Variants in C2CD5 observed in about 807,000 individuals in gnomAD.
C2CD5 encodes C2 calcium dependent domain containing 5, also known as C2 domain-containing protein 5.
A neutral mutation model predicts 130.3 loss-of-function variants in C2CD5; 109 were observed. The ratio of observed to expected loss-of-function variants is 0.84; its 90% CI spans 0.72 to 0.98. The LOEUF (loss-of-function observed/expected upper bound fraction) is 0.98. Among genes scored for constraint, C2CD5 ranks in the 50% least tolerant of loss-of-function variants. The pLI, the probability that C2CD5 is intolerant of heterozygous loss-of-function variation, is 0.00. For missense variants in C2CD5, 996 were observed against 1,261.8 expected (o/e 0.79, Z 3.19); for synonymous variants, 454 against 429.2 (o/e 1.06, Z -0.71).
chr12:22,473,086 T>C (rs1203627984), intron 16 of C2CD5, among the ~76,000 whole-genome samples: 1 of 152,156 alleles, frequency 6.6e-6, no homozygotes, highest in Non-Finnish European at 1.5e-5. Context: ...AAAGACATCA[T>C]AAGCAATCAT....
At chr12:22,540,256 C>T (rs907046805) in intron 2 of C2CD5, among the ~76,000 whole-genome samples, 2 of 152,116 alleles carry the variant, frequency 1.3e-5, no homozygotes, top group Non-Finnish European at 1.5e-5. Flanking sequence ...TTAACATAGG[C>T]GAGGCACTCC....
At chr12:22,470,047 T>C (rs1163434533) in intron 21 of C2CD5, among the ~76,000 whole-genome samples, 2 of 152,102 alleles carry the variant, frequency 1.3e-5, no homozygotes, top group South Asian at 4.1e-4. Flanking sequence ...CTTAGCACAG[T>C]GCTTTGCAAA....
intron 26 of C2CD5, among the ~76,000 whole-genome samples, chr12:22,452,241 T>G (rs905217492): frequency 2.6e-5 from 4 of 152,214 alleles, no homozygotes; most frequent in African/African-American, 4.8e-5. Context: ...ATCTAATAGA[T>G]GCGTTCTTTA....
chr12:22,483,992 A>G (rs1011605112), intron 13 of C2CD5, among the ~76,000 whole-genome samples: 17 of 152,190 alleles, frequency 1.1e-4, no homozygotes, highest in African/African-American at 3.6e-4. Flanking sequence ...ATAGATCTAT[A>G]TAAGTTGATG....
chr12:22,478,534 T>C lies in C2CD5; in HGVS notation c.1738-57A>G, dbSNP rs1565688635. ...AAAATATCTACAGAATAACAGTCCT[T>C]AAGTTTTCATATTTAAGAATGTGGT... On this transcript the variant is annotated intron_variant, in intron 14 of 26. Transcript: ENST00000446597. 4.2e-6 allele frequency: 6 copies of C among 1,433,798 alleles called. No homozygotes were observed. The South Asian group carries it at 7.3e-5, about 17-fold the overall frequency. 88.8% of individuals were successfully genotyped at this position (1,433,798 alleles called of 1,614,324 possible). A position where few individuals can be genotyped will look rare whatever the true frequency, so the allele number is the denominator to read the frequency against.
chr12:22,521,394 G>C (rs1237402596), intron 7 of C2CD5, among the ~76,000 whole-genome samples: 1 of 152,150 alleles, frequency 6.6e-6, no homozygotes, highest in African/African-American at 2.4e-5. Flanking sequence ...TACACTAATA[G>C]AACTCTTCCT....
intron 11 of C2CD5, among the ~76,000 whole-genome samples, chr12:22,492,973 A>T (rs901425273): frequency 2.0e-5 from 3 of 152,192 alleles, no homozygotes; most frequent in Non-Finnish European, 4.4e-5. Flanking sequence ...GATGTAAATG[A>T]TTAATTGATC....
intron 22 of C2CD5, among the ~76,000 whole-genome samples, chr12:22,465,405 T>C (rs1204522049): frequency 1.3e-5 from 2 of 152,172 alleles, no homozygotes; most frequent in Admixed American, 6.5e-5. Flanking sequence ...TTTTAAGAAC[T>C]TGAAATATAT....
intron 23 of C2CD5, chr12:22,458,966 GAAT>G (rs1274477376): frequency 6.3e-6 from 1 of 158,162 alleles, no homozygotes; most frequent in African/African-American, 2.4e-5. Flanking sequence ...AAAGCTTTGT[GAAT>G]AATTCATTTC....
chr12:22,493,380 TTA>T, intron 10 of C2CD5, 43 bp from the exon 11 acceptor site: 1 of 995,278 alleles, frequency 1.0e-6, no homozygotes, highest in Non-Finnish European at 1.6e-6. Flanking sequence ...CAATAGCACA[TTA>T]TATATATGAA....
chr12:22,488,052 G>C (rs1414071177), intron 12 of C2CD5, among the ~76,000 whole-genome samples: 2 of 143,478 alleles, frequency 1.4e-5, no homozygotes, highest in Admixed American at 1.4e-4. Context: ...TGTGGGGTAG[G>C]GGGAGGGGGG....
At chr12:22,465,251 A>C (rs1359095469) in intron 22 of C2CD5, among the ~76,000 whole-genome samples, 1 of 152,142 alleles carries the variant, frequency 6.6e-6, no homozygotes, top group African/African-American at 2.4e-5. Context: ...GAAAGCAGGA[A>C]ACAAGGTGGG....
At chr12:22,483,420 A>T (rs1945013757) in intron 13 of C2CD5, among the ~76,000 whole-genome samples, 1 of 152,142 alleles carries the variant, frequency 6.6e-6, no homozygotes, top group Non-Finnish European at 1.5e-5. Flanking sequence ...CAGTAATTAG[A>T]CTAATAGATT....
chr12:22,513,228 A>C, intron 9 of C2CD5, 66 bp downstream of exon 9: 1 of 1,140,936 alleles, frequency 8.8e-7, no homozygotes, highest in South Asian at 1.3e-5. Context: ...ATGCAAGTAC[A>C]TGGAAGCATA....
At chr12:22,484,987 C>A (rs924715307) in intron 12 of C2CD5, 99 bp from the exon 13 acceptor site, 2 of 495,504 alleles carry the variant, frequency 4.0e-6, no homozygotes, top group Admixed American at 4.0e-5. Context: ...TACTTGTATA[C>A]GAACTATCCA....
Position 22,493,296 on chromosome 12 carries a change from G to T in C2CD5, c.1189C>A (p.Gln397Lys). The change falls in exon 11 of 27, where the codon CAA (glutamine) becomes AAA (lysine). Residue 397 changes from glutamine (Q) to lysine (K), a missense_variant. Physicochemically the swap from Gln to Lys is moderately conservative, Grantham distance 53. Coordinates refer to ENST00000446597, the MANE Select transcript of C2CD5 (RefSeq NM_001286176.2). The part of the protein sequence containing the change: ...TRDAWWAEIR[Q>K]EIKSHAKALG... Reference sequence around the variant, plus strand: ...GCTTTAGCATGTGATTTTATTTCTTGTCTGATTTCTGCCCACCATGCATCT... The same window carrying T: ...GCTTTAGCATGTGATTTTATTTCTTTTCTGATTTCTGCCCACCATGCATCT... 1 of 1,611,386 alleles carries T rather than the reference G, an allele frequency of 6.2e-7. No individual in the cohort carries two copies. The highest frequency in any genetic ancestry group is 2.2e-5 in the East Asian group (1 of 44,816).
At position 22,453,968 on chromosome 12, in the gene C2CD5, T is replaced by C. The variant is rs1212776589; in HGVS notation, c.2952A>G (p.Ala984=). ...AGGAGACAACAGCATTCCCTCCTAA[T>C]GCAGCAACATGAGCTCTCACCATTG... The part of the protein sequence containing the change: ...VFAMVRAHVA[A]LGGNAVVSYI... The change falls in exon 26 of 27, where the codon GCA becomes GCG. Residue 984 remains alanine (A), a synonymous_variant. Coordinates refer to ENST00000446597, the MANE Select transcript of C2CD5 (RefSeq NM_001286176.2). The C allele has an allele frequency of 1.1e-5, 17 of 1,613,554 alleles. No individual in the cohort carries two copies. The highest frequency in any genetic ancestry group is 1.3e-5 in the Non-Finnish European group (15 of 1,179,598).
intron 9 of C2CD5, among the ~76,000 whole-genome samples, chr12:22,511,896 G>A (rs1366014021): frequency 6.6e-6 from 1 of 152,222 alleles, no homozygotes; most frequent in East Asian, 1.9e-4. Flanking sequence ...AAACTCTGTA[G>A]AGAACATAAT....
chr12:22,453,508 T>C (rs1328634424), intron 26 of C2CD5, among the ~76,000 whole-genome samples: 1 of 152,202 alleles, frequency 6.6e-6, no homozygotes, highest in Non-Finnish European at 1.5e-5. Context: ...AGCCTTACTA[T>C]GGCCTTACTA....
Sources: allele counts gnomAD v4.1 joint callset (sites outside exome capture counted in the v4.1 genomes callset), GRCh38; gene constraint gnomAD v4.1.1; transcripts MANE v1.5; gene names NCBI Gene and HGNC (gene_info 2026-07-23, HGNC 2026-07-21).